ADAMTS9: variants seen among roughly 807,000 people sequenced by gnomAD.
ADAMTS9 encodes ADAM metallopeptidase with thrombospondin type 1 motif 9.
ADAMTS9 carries 107 observed loss-of-function variants against 257.1 expected under a neutral mutation model. The observed-to-expected ratio is 0.42, with a 90% CI of 0.36 to 0.49. The LOEUF (loss-of-function observed/expected upper bound fraction) is 0.49, where lower values mean the gene tolerates loss of function less well. ADAMTS9 is among the 20% of genes least tolerant of loss of function. ADAMTS9 has a pLI of 0.03. For missense variants in ADAMTS9, 2,353 were observed against 2,469.1 expected, an observed-to-expected ratio of 0.95 and a Z score of 1.00; for synonymous variants, 982 against 880.9, an observed-to-expected ratio of 1.11 and a Z score of -2.03.
At chr3:64,555,632 C>T (rs1445624836) in intron 30 of ADAMTS9, among the ~76,000 whole-genome samples, 1 of 152,118 alleles carries the variant, frequency 6.6e-6, no homozygotes, top group East Asian at 1.9e-4. Context: ...AGTAAGAAGC[C>T]ACCAGGGAGA....
At chr3:64,630,130 A>ATGT (rs1229961823) in intron 16 of ADAMTS9, among the ~76,000 whole-genome samples, 64 of 85,442 alleles carry the variant, frequency 7.5e-4, no homozygotes, top group African/African-American at 4.5e-3. Flanking sequence ...AGTGTAAGCC[A>ATGT]TGCGGCTGGG....
In ADAMTS9 at chr3:64,686,508, A is replaced by G. The variant is rs1237100978; in HGVS notation, c.516+60T>C. The stretch of plus-strand genomic sequence containing the variant: ...GGTCTCTAGGCTTAGAGGACAATTA[A>G]GTCTTCTAGAAGCGGGCGAGGAGGC... On this transcript the variant is annotated intron_variant, in intron 2 of 39. Transcript: ENST00000498707. The surrounding 1 kb of genome is among the most constrained non-coding windows in gnomAD (Gnocchi z 4.6). 1 of 1,503,848 alleles carries G rather than the reference A, an allele frequency of 6.6e-7. No individual in the cohort carries two copies. Among genetic ancestry groups the G allele is most frequent in the Non-Finnish European group, 8.9e-7 (1 of 1,122,440 alleles). 93.2% of individuals were successfully genotyped at this position (1,503,848 alleles called of 1,614,324 possible).
At chr3:64,634,162 T>C (rs1559802562) in intron 12 of ADAMTS9, among the ~76,000 whole-genome samples, 1 of 152,152 alleles carries the variant, frequency 6.6e-6, no homozygotes, top group Non-Finnish European at 1.5e-5. Context: ...TGTTAGAATG[T>C]ATAGCTTAAA....
At chr3:64,593,650 G>A (rs1397953611) in intron 28 of ADAMTS9, among the ~76,000 whole-genome samples, 1 of 152,244 alleles carries the variant, frequency 6.6e-6, no homozygotes, top group Admixed American at 6.5e-5. Context: ...GGTCCCAAAC[G>A]GGCTTCCTAT....
At chr3:64,634,780 T>C (rs1267719289) in intron 12 of ADAMTS9, among the ~76,000 whole-genome samples, 1 of 152,132 alleles carries the variant, frequency 6.6e-6, no homozygotes, top group East Asian at 1.9e-4. Flanking sequence ...GAAAGGACAT[T>C]TTTCACCCTT....
At chr3:64,547,822 G>A (rs1369600161) in intron 31 of ADAMTS9, among the ~76,000 whole-genome samples, 1 of 151,248 alleles carries the variant, frequency 6.6e-6, no homozygotes, top group East Asian at 1.9e-4. Context: ...AATACACATC[G>A]TTATAGTGTC....
intron 23 of ADAMTS9, 41 bp downstream of exon 23, chr3:64,606,919 G>A: frequency 6.2e-7 from 1 of 1,609,982 alleles, no homozygotes; most frequent in Non-Finnish European, 8.5e-7. Context: ...TGGTACCTTG[G>A]TCCCCAAAGT....
chr3:64,602,363 C>A lies in ADAMTS9; in HGVS notation c.3748-150G>T, dbSNP rs1576104735. On this transcript the variant is annotated intron_variant, in intron 25 of 39. Coordinates refer to ENST00000498707, the MANE Select transcript of ADAMTS9 (RefSeq NM_182920.2). ...TCACCCTTGTCTCCTCTTTTTTTCC[C>A]ATCCCATATCCATTTCAGTGAGAAA... 1.0e-5 allele frequency: 8 copies of A among 796,976 alleles called. No individual in the cohort carries two copies. The East Asian group carries it at 2.1e-4, about 21-fold the overall frequency. 49.4% of individuals were successfully genotyped at this position (796,976 alleles called of 1,614,324 possible).
chr3:64,559,598 G>A (rs192549024), intron 30 of ADAMTS9, among the ~76,000 whole-genome samples: 26 of 152,304 alleles, frequency 1.7e-4, no homozygotes, highest in South Asian at 1.2e-3. Flanking sequence ...TCCTGAAGCC[G>A]TCTATTCTTC....
intron 38 of ADAMTS9, among the ~76,000 whole-genome samples, chr3:64,531,550 C>T (rs1219729920): frequency 1.3e-5 from 2 of 152,024 alleles, no homozygotes; most frequent in African/African-American, 4.8e-5. Flanking sequence ...TCACTGCCCT[C>T]TTGACATCCT....
At chr3:64,670,081 C>A (rs1417468566) in intron 3 of ADAMTS9, among the ~76,000 whole-genome samples, 2 of 152,106 alleles carry the variant, frequency 1.3e-5, no homozygotes, top group Non-Finnish European at 2.9e-5. Context: ...GGCATGTGGT[C>A]ATAAGGACTG....
chr3:64,632,438 G>C (rs755436927), intron 14 of ADAMTS9, among the ~76,000 whole-genome samples: 7 of 152,166 alleles, frequency 4.6e-5, no homozygotes, highest in Non-Finnish European at 7.3e-5. Flanking sequence ...AAAGAAGCTG[G>C]AAAAATTGAC....
Position 64,618,503 on chromosome 3 carries a change from G to A in ADAMTS9, c.2814-2333C>T, listed in dbSNP as rs142514678. Among the ~76,000 whole-genome samples the A allele has an allele frequency of 2.6e-4, 40 of 152,238 alleles. No homozygotes were observed. The East Asian group carries it at 7.3e-3, about 28-fold the overall frequency. On this transcript the variant is annotated intron_variant, in intron 19 of 39. Transcript: ENST00000498707. ...GACATTATTTTTAATAAAAATCAGA[G>A]GATGAACTATGGAATCAGAAAGACC...
chr3:64,539,404 G>T, intron 36 of ADAMTS9, 110 bp from the exon 37 acceptor site: 1 of 883,750 alleles, frequency 1.1e-6, no homozygotes, highest in Non-Finnish European at 1.8e-6. Context: ...GAATAAGAGG[G>T]AATGGGAGAG....
chr3:64,622,107 G>A, intron 18 of ADAMTS9, 91 bp downstream of exon 18: 1 of 1,332,164 alleles, frequency 7.5e-7, no homozygotes, highest in Non-Finnish European at 1.0e-6. Context: ...AGAAGGGTTT[G>A]CAGTTTGCAT....
At chr3:64,535,042 T>C (rs1017845048) in intron 37 of ADAMTS9, among the ~76,000 whole-genome samples, 3 of 152,116 alleles carry the variant, frequency 2.0e-5, no homozygotes, top group African/African-American at 7.2e-5. Context: ...GAAGGCACAA[T>C]GCACGTCACG....
chr3:64,533,033 T>A, intron 38 of ADAMTS9, 133 bp downstream of exon 38: 1 of 735,872 alleles, frequency 1.4e-6, no homozygotes, highest in Non-Finnish European at 2.2e-6. Flanking sequence ...TAAATGGTCT[T>A]CCTGACACTA....
chr3:64,655,336 T>C (rs1184177256), intron 6 of ADAMTS9, among the ~76,000 whole-genome samples: 1 of 152,194 alleles, frequency 6.6e-6, no homozygotes, highest in Non-Finnish European at 1.5e-5. Flanking sequence ...AGTGGCAATG[T>C]CTGGAGACAT....
rs995276704 is a variant in ADAMTS9 at position 64,615,570 on chromosome 3, G to T, written c.3025-85C>A. ...GATCCTGGCTATGTTGTCTCTTCCA[G>T]CTCTTAAGAAACAACACACAAGCTG... On this transcript the variant is annotated intron_variant, in intron 20 of 39. Transcript: ENST00000498707. 2.9e-6 allele frequency: 4 copies of T among 1,377,168 alleles called. No homozygotes were observed. In the Admixed American group the frequency reaches 1.0e-4, roughly 35 times the overall value. 85.3% of individuals were successfully genotyped at this position (1,377,168 alleles called of 1,614,324 possible).
Sources: allele counts gnomAD v4.1 joint callset (sites outside exome capture counted in the v4.1 genomes callset), GRCh38; gene constraint gnomAD v4.1.1; non-coding constraint Gnocchi (gnomAD v3.1); transcripts MANE v1.5; gene names NCBI Gene and HGNC (gene_info 2026-07-23, HGNC 2026-07-21).